CCDC7: variants seen among roughly 807,000 people sequenced by gnomAD.
CCDC7 encodes coiled-coil domain containing 7, also known as coiled-coil domain-containing protein 7.
A neutral mutation model predicts 196.9 loss-of-function variants in CCDC7; 183 were observed. The observed-to-expected ratio is 0.93, with a 90% CI of 0.82 to 1.05. The LOEUF is 1.05. Ranked by LOEUF, CCDC7 falls within the 50% of genes least tolerant of loss-of-function variation. The probability of loss-of-function intolerance (pLI) is 0.00; values close to 1 mark genes in which losing one functional copy is unlikely to be tolerated. For missense variants in CCDC7, 1,540 were observed against 1,482.2 expected, an observed-to-expected ratio of 1.04 and a Z score of -0.64; for synonymous variants, 525 against 484.6, an observed-to-expected ratio of 1.08 and a Z score of -1.10.
chr10:32,699,364 C>G (rs1252260135), intron 24 of CCDC7, among the ~76,000 whole-genome samples: 1 of 151,940 alleles, frequency 6.6e-6, no homozygotes, highest in Non-Finnish European at 1.5e-5. Context: ...TCATCTATGT[C>G]CCTACAAAGG....
intron 29 of CCDC7, among the ~76,000 whole-genome samples, chr10:32,788,227 G>A (rs2082156581): frequency 6.6e-6 from 1 of 151,856 alleles, no homozygotes; most frequent in Admixed American, 6.6e-5. Flanking sequence ...GAAAACTCAG[G>A]CTTCACATGT....
intron 32 of CCDC7, among the ~76,000 whole-genome samples, chr10:32,830,121 G>T (rs372443811): frequency 2.6e-4 from 13 of 50,664 alleles, no homozygotes; most frequent in South Asian, 9.5e-4. Flanking sequence ...TATATATAAG[G>T]ATATATATAT....
chr10:32,695,037 C>A, intron 24 of CCDC7, 45 bp downstream of exon 25: 1 of 1,005,452 alleles, frequency 9.9e-7, no homozygotes, highest in Non-Finnish European at 1.4e-6. Context: ...TAAAGTTAAT[C>A]TCATTAGATC....
chr10:32,716,405 A>AT (rs1565266566), intron 25 of CCDC7, among the ~76,000 whole-genome samples: 1 of 152,238 alleles, frequency 6.6e-6, no homozygotes, highest in Admixed American at 6.5e-5. Flanking sequence ...GAAGCACTAA[A>AT]TATGGAAAGG....
At chr10:32,689,136 A>G in exon 23 of CCDC7, 1 of 1,596,194 alleles carries the variant, frequency 6.3e-7, no homozygotes, top group Non-Finnish European at 8.6e-7. Flanking sequence ...GAAGGAACAA[A>G]GAACTCTCAA....
upstream of CCDC7, among the ~76,000 whole-genome samples, chr10:32,444,127 C>T (rs2030470015): frequency 8.0e-6 from 1 of 125,738 alleles, no homozygotes; most frequent in South Asian, 2.4e-4. Flanking sequence ...CAGTATAATA[C>T]TGAATAGACA....
At chr10:32,524,669 G>T (rs2048390059) in intron 11 of CCDC7, among the ~76,000 whole-genome samples, 1 of 152,120 alleles carries the variant, frequency 6.6e-6, no homozygotes, top group Admixed American at 6.5e-5. Flanking sequence ...AGGGTAAAAG[G>T]TTTTTTCCTT....
chr10:32,731,159 C>T (rs2083900708), intron 28 of CCDC7, among the ~76,000 whole-genome samples: 1 of 152,046 alleles, frequency 6.6e-6, no homozygotes, highest in African/African-American at 2.4e-5. Flanking sequence ...TTCCTTTGAA[C>T]TCTGCCTTTT....
At chr10:32,672,347 G>A (rs1044574233) in intron 21 of CCDC7, among the ~76,000 whole-genome samples, 6 of 152,172 alleles carry the variant, frequency 3.9e-5, no homozygotes, top group South Asian at 2.1e-4. Flanking sequence ...CACAGTGAAC[G>A]TGTGGCTCTG....
intron 6 of CCDC7, among the ~76,000 whole-genome samples, chr10:32,471,637 G>A (rs962603741): frequency 6.6e-6 from 1 of 152,134 alleles, no homozygotes; most frequent in African/African-American, 2.4e-5. Context: ...CATTGTTCAT[G>A]AACACCTTCA....
chr10:32,569,313 T>C (rs1023749533), intron 15 of CCDC7, among the ~76,000 whole-genome samples: 1 of 152,252 alleles, frequency 6.6e-6, no homozygotes. Flanking sequence ...CATGTTCTTA[T>C]AGTAATTTAA....
At chr10:32,566,896 A>G (rs2056882256) in intron 14 of CCDC7, among the ~76,000 whole-genome samples, 1 of 147,288 alleles carries the variant, frequency 6.8e-6, no homozygotes, top group African/African-American at 2.5e-5. Context: ...TAATATATAT[A>G]TTAGCTATGT....
intron 18 of CCDC7, among the ~76,000 whole-genome samples, chr10:32,626,741 G>A (rs1232220860): frequency 1.3e-5 from 2 of 151,974 alleles, no homozygotes; most frequent in Non-Finnish European, 2.9e-5. Context: ...AATGGTGTGA[G>A]ATAAGAGCCC....
At chr10:32,756,153 G>A (rs2076407061) in intron 28 of CCDC7, among the ~76,000 whole-genome samples, 1 of 152,162 alleles carries the variant, frequency 6.6e-6, no homozygotes, top group African/African-American at 2.4e-5. Flanking sequence ...AAAGTGACAG[G>A]GAGAATGGAA....
Position 32,480,212 on chromosome 10 carries a change from T to C in CCDC7, c.796+6189T>C, listed in dbSNP as rs144214205. ...TTTATGTACTTCTGCGCTAATCTCT[T>C]ATTTCCTTCCTTTTACTAACTTTGG... On this transcript the variant is annotated intron_variant, in intron 8 of 41. Coordinates refer to ENST00000639629, the Ensembl canonical transcript of CCDC7. Among the ~76,000 whole-genome samples, 731 of 152,290 alleles carry C rather than the reference T, an allele frequency of 4.8e-3. 5 individuals are homozygous for C. Among genetic ancestry groups the C allele is most frequent in the African/African-American group, 0.017 (697 of 41,576 alleles).
At chr10:32,583,949 C>CACTATTTGCTTAGA (rs1412140486) in intron 17 of CCDC7, among the ~76,000 whole-genome samples, 1 of 151,928 alleles carries the variant, frequency 6.6e-6, no homozygotes, top group Non-Finnish European at 1.5e-5. Flanking sequence ...TAATTATTAA[C>CACTATTTGCTTAGA]ACTATTTGCT....
chr10:32,572,486 T>C (rs1206142460), intron 16 of CCDC7, among the ~76,000 whole-genome samples: 1 of 152,188 alleles, frequency 6.6e-6, no homozygotes, highest in African/African-American at 2.4e-5. Flanking sequence ...TAAATATTTA[T>C]GGATTATAGA....
chr10:32,722,012 C>A (rs2082483377), intron 25 of CCDC7, among the ~76,000 whole-genome samples: 1 of 152,078 alleles, frequency 6.6e-6, no homozygotes, highest in Non-Finnish European at 1.5e-5. Context: ...TGTGTGTACC[C>A]AAGGCCAGTA....
chr10:32,845,145 T>TC lies in CCDC7; in HGVS notation c.3353-97dup, dbSNP rs2093206595. On this transcript the variant is annotated intron_variant, in intron 33 of 41. Coordinates refer to ENST00000639629, the Ensembl canonical transcript of CCDC7. The stretch of plus-strand genomic sequence containing the variant: ...TATGTTAGTATTATATAGGTGAAAT[T>TC]CTAAATGAATATCCTCCTATAATTA... The TC allele has an allele frequency of 7.5e-6, 5 of 663,164 alleles. No individual in the cohort carries two copies. The South Asian group carries it at 1.4e-4, about 19-fold the overall frequency. 41.1% of individuals were successfully genotyped at this position (663,164 alleles called of 1,614,324 possible).
Sources: allele counts gnomAD v4.1 joint callset (sites outside exome capture counted in the v4.1 genomes callset), GRCh38; gene constraint gnomAD v4.1.1; transcripts MANE v1.5; gene names NCBI Gene and HGNC (gene_info 2026-07-23, HGNC 2026-07-21).